Variants in RALGAPA2 observed in about 807,000 individuals in gnomAD.
RALGAPA2 encodes ral GTPase-activating protein subunit alpha-2.
A neutral mutation model predicts 230.4 loss-of-function variants in RALGAPA2; 139 were observed. That is an observed-to-expected ratio of 0.60 (90% CI 0.53 to 0.69). RALGAPA2 has a LOEUF of 0.69. Among genes scored for constraint, RALGAPA2 ranks in the 30% least tolerant of loss-of-function variants. The pLI, the probability that RALGAPA2 is intolerant of heterozygous loss-of-function variation, is 0.00. For synonymous variants in RALGAPA2, 847 were observed against 837.8 expected, an observed-to-expected ratio of 1.01 and a Z score of -0.19; for missense variants, 2,163 against 2,276.0, an observed-to-expected ratio of 0.95 and a Z score of 1.01.
chr20:20,416,609 C>T (rs560261141), intron 37 of RALGAPA2, among the ~76,000 whole-genome samples: 69 of 152,308 alleles, frequency 4.5e-4, no homozygotes, highest in African/African-American at 1.6e-3. Context: ...CAACCCGCAA[C>T]GTAAACCTGA....
intron 30 of RALGAPA2, among the ~76,000 whole-genome samples, chr20:20,521,694 T>C (rs2063046897): frequency 6.6e-6 from 1 of 152,252 alleles, no homozygotes; most frequent in Admixed American, 6.5e-5. Flanking sequence ...CAAACACAAA[T>C]CATCTTGAAT....
chr20:20,405,274 G>A (rs2059921971), intron 38 of RALGAPA2, among the ~76,000 whole-genome samples: 1 of 152,220 alleles, frequency 6.6e-6, no homozygotes, highest in South Asian at 2.1e-4. Context: ...AAACTTATCT[G>A]AGCTTATTAA....
chr20:20,661,847 A>G (rs1040909631), intron 3 of RALGAPA2, among the ~76,000 whole-genome samples: 1 of 152,242 alleles, frequency 6.6e-6, no homozygotes, highest in Non-Finnish European at 1.5e-5. Context: ...AAAAAGTATT[A>G]ACAGGACAAA....
At chr20:20,394,076 C>T (rs1319970087) in intron 39 of RALGAPA2, among the ~76,000 whole-genome samples, 1 of 152,244 alleles carries the variant, frequency 6.6e-6, no homozygotes, top group Non-Finnish European at 1.5e-5. Context: ...CCACATCTTC[C>T]TCCCTGCGTG....
rs1201814783 is a variant in RALGAPA2 at position 20,572,422 on chromosome 20, G to A, written c.2901+453C>T. 2.8e-5 allele frequency among the ~76,000 whole-genome samples: 4 copies of A among 145,164 alleles called. No homozygotes were observed. The Admixed American group carries it at 2.8e-4, about 10-fold the overall frequency. ...GGCGCCACTGCACTCCAGCCTGGGC[G>A]ACAGGGCAAGCAAGACTCCATTTCA... is the stretch of plus-strand genomic sequence containing the variant. On this transcript the variant is annotated intron_variant, in intron 21 of 39. Coordinates refer to ENST00000202677, the MANE Select transcript of RALGAPA2 (RefSeq NM_020343.4).
intron 36 of RALGAPA2, among the ~76,000 whole-genome samples, chr20:20,485,525 T>C (rs1023277940): frequency 1.3e-5 from 2 of 152,240 alleles, no homozygotes; most frequent in African/African-American, 4.8e-5. Flanking sequence ...TTCCACTCAT[T>C]TGCTGCCTTC....
intron 20 of RALGAPA2, among the ~76,000 whole-genome samples, chr20:20,573,406 A>G (rs1167515332): frequency 6.6e-6 from 1 of 152,168 alleles, no homozygotes; most frequent in Non-Finnish European, 1.5e-5. Context: ...GGAAGCCTCA[A>G]TGCTGGAGTA....
chr20:20,699,106 T>A (rs2069238380), intron 1 of RALGAPA2, among the ~76,000 whole-genome samples: 4 of 152,020 alleles, frequency 2.6e-5, no homozygotes, highest in Admixed American at 2.6e-4. Flanking sequence ...AACATTTATT[T>A]ATCACAATTT....
chr20:20,514,704 C>A (rs1007889866), intron 31 of RALGAPA2, among the ~76,000 whole-genome samples: 1 of 152,202 alleles, frequency 6.6e-6, no homozygotes, highest in Non-Finnish European at 1.5e-5. Context: ...GGGGTCCTCT[C>A]CACCCCATGC....
At chr20:20,618,545 C>T (rs1179080064) in intron 12 of RALGAPA2, among the ~76,000 whole-genome samples, 1 of 151,986 alleles carries the variant, frequency 6.6e-6, no homozygotes, top group Non-Finnish European at 1.5e-5. Context: ...TAGAAAAATG[C>T]ATGTCATTCC....
chr20:20,510,582 T>C lies in RALGAPA2; in HGVS notation c.4928+672A>G, dbSNP rs2062674962. 3.3e-5 allele frequency among the ~76,000 whole-genome samples: 5 copies of C among 152,242 alleles called. No individual in the cohort carries two copies. The South Asian group carries it at 1.0e-3, about 32-fold the overall frequency. ...TAAAGATTAAGGAGGCAGCTTATTC[T>C]CTTCGAAACTTTGGAACATCTGTTA... On this transcript the variant is annotated intron_variant, in intron 33 of 39. Transcript: ENST00000202677.
intron 17 of RALGAPA2, among the ~76,000 whole-genome samples, 200 bp downstream of exon 17, chr20:20,590,977 T>C (rs1275162290): frequency 1.3e-5 from 2 of 152,190 alleles, no homozygotes; most frequent in Admixed American, 1.3e-4. Flanking sequence ...CATATAGATA[T>C]ATAAAAATAA....
chr20:20,689,190 T>C (rs929921725), intron 1 of RALGAPA2, among the ~76,000 whole-genome samples: 7 of 152,230 alleles, frequency 4.6e-5, no homozygotes, highest in Admixed American at 1.3e-4. Flanking sequence ...TTATGTTAAT[T>C]TAATTATATT....
At chr20:20,682,935 G>A (rs1198423077) in intron 1 of RALGAPA2, among the ~76,000 whole-genome samples, 1 of 152,132 alleles carries the variant, frequency 6.6e-6, no homozygotes, top group Admixed American at 6.5e-5. Context: ...ATCTCCCACT[G>A]TGGGCTCTAG....
rs767854537 is a variant in RALGAPA2, at chr20:20,639,881, T to A, written c.570A>T (p.Glu190Asp). The change falls in exon 7 of 40, where the codon GAA becomes GAT. Residue 190 changes from glutamate (E) to aspartate (D), a missense_variant. By Grantham distance (45) the Glu-to-Asp change is conservative. Coordinates refer to ENST00000202677, the MANE Select transcript of RALGAPA2 (RefSeq NM_020343.4). ...ATATGGCTGGTAGGAGTGGAGTGAT[T>A]TCTTCTGGATATATCTTTACTGAAA... ...SVADVKIYPE[E>D]ITPLLPAISG... 1.2e-5 allele frequency: 19 copies of A among 1,611,902 alleles called. No individual in the cohort carries two copies. The highest frequency in any genetic ancestry group is 1.5e-5 in the Non-Finnish European group (18 of 1,178,126).
intron 10 of RALGAPA2, among the ~76,000 whole-genome samples, 158 bp from the exon 11 acceptor site, chr20:20,620,788 C>G (rs1042626141): frequency 6.6e-6 from 1 of 152,110 alleles, no homozygotes; most frequent in Non-Finnish European, 1.5e-5. Flanking sequence ...TTGTGCACAC[C>G]AAACTTACCA....
intron 1 of RALGAPA2, among the ~76,000 whole-genome samples, chr20:20,709,025 A>G (rs1397755595): frequency 6.6e-6 from 1 of 151,984 alleles, no homozygotes; most frequent in Non-Finnish European, 1.5e-5. Flanking sequence ...TCTACAAAAA[A>G]TACAAAAATC....
chr20:20,521,770 T>A (rs1321752516), intron 30 of RALGAPA2, among the ~76,000 whole-genome samples: 1 of 152,160 alleles, frequency 6.6e-6, no homozygotes, highest in Non-Finnish European at 1.5e-5. Context: ...AAATTCAAGA[T>A]CATCAACTCC....
chr20:20,406,560 G>C (rs890675603), intron 38 of RALGAPA2, among the ~76,000 whole-genome samples: 1 of 152,216 alleles, frequency 6.6e-6, no homozygotes, highest in African/African-American at 2.4e-5. Context: ...TGCTGAGGGT[G>C]CTGAGTGGGA....
Sources: allele counts gnomAD v4.1 joint callset (sites outside exome capture counted in the v4.1 genomes callset), GRCh38; gene constraint gnomAD v4.1.1; transcripts MANE v1.5; gene names NCBI Gene and HGNC (gene_info 2026-07-23, HGNC 2026-07-21).